The following CFAP221 variants were observed in gnomAD, a reference collection of about 807,000 sequenced individuals.
CFAP221 encodes the protein cilia and flagella associated protein 221.
CFAP221 carries 97 observed loss-of-function variants against 113.1 expected under a neutral mutation model. The observed-to-expected ratio is 0.86, with a 90% CI of 0.73 to 1.02. The LOEUF (loss-of-function observed/expected upper bound fraction) is 1.02. Among genes scored for constraint, CFAP221 ranks in the 50% least tolerant of loss-of-function variants. The pLI is 0.00. For synonymous variants in CFAP221, 331 were observed against 354.4 expected (o/e 0.93, Z 0.74); for missense variants, 1,025 against 1,013.4 (o/e 1.01, Z -0.16).
intron 3 of CFAP221, among the ~76,000 whole-genome samples, chr2:119,551,884 T>C (rs928854231): frequency 2.6e-5 from 4 of 152,228 alleles, no homozygotes; most frequent in African/African-American, 9.6e-5. Flanking sequence ...TTTTTTATAA[T>C]AAATGTTTCG....
intron 20 of CFAP221, 113 bp downstream of exon 20, chr2:119,638,530 A>G: frequency 7.4e-7 from 1 of 1,358,786 alleles, no homozygotes; most frequent in Non-Finnish European, 1.0e-6. Flanking sequence ...CCACAGCTGC[A>G]GAACAAGAAT....
chr2:119,549,894 A>G (rs1032477150), intron 3 of CFAP221, among the ~76,000 whole-genome samples: 3 of 152,158 alleles, frequency 2.0e-5, no homozygotes, highest in Admixed American at 2.0e-4. Flanking sequence ...CTGAGGCCCA[A>G]CTCTTGCTGG....
chr2:119,605,142 C>A, intron 10 of CFAP221, 39 bp from the exon 11 acceptor site: 1 of 1,549,890 alleles, frequency 6.5e-7, no homozygotes. Context: ...TGATTTTAAT[C>A]TGATTACTGG....
At chr2:119,659,355 G>A (rs1326838334), downstream of CFAP221, among the ~76,000 whole-genome samples, 1 of 152,110 alleles carries the variant, frequency 6.6e-6, no homozygotes, top group Non-Finnish European at 1.5e-5. Context: ...GTGTGGTTGT[G>A]TTTTCATATG....
intron 12 of CFAP221, among the ~76,000 whole-genome samples, 179 bp from the exon 13 acceptor site, chr2:119,611,474 C>T (rs962282148): frequency 6.6e-6 from 1 of 150,976 alleles, no homozygotes; most frequent in Non-Finnish European, 1.5e-5. Flanking sequence ...ATAAGAGCTC[C>T]CTATGTTTAA....
At chr2:119,606,988 C>T (rs1358306650) in intron 11 of CFAP221, among the ~76,000 whole-genome samples, 2 of 152,134 alleles carry the variant, frequency 1.3e-5, no homozygotes, top group East Asian at 1.9e-4. Context: ...CAAAATACTT[C>T]AGTATGTAGC....
downstream of CFAP221, among the ~76,000 whole-genome samples, chr2:119,658,630 C>T (rs1221768423): frequency 2.6e-5 from 4 of 151,950 alleles, no homozygotes; most frequent in African/African-American, 7.3e-5. Flanking sequence ...CACACACACA[C>T]ACACACACAC....
intron 6 of CFAP221, among the ~76,000 whole-genome samples, chr2:119,582,802 A>T (rs892928820): frequency 9.2e-5 from 14 of 152,330 alleles, no homozygotes; most frequent in African/African-American, 3.1e-4. Flanking sequence ...AATTAAAATT[A>T]TAGAAATGCA....
At chr2:119,630,529 T>G in intron 17 of CFAP221, 41 bp from the exon 18 acceptor site, 1 of 1,477,988 alleles carries the variant, frequency 6.8e-7, no homozygotes, top group Non-Finnish European at 9.4e-7. Flanking sequence ...CACCAAATGG[T>G]AACAGGTTTT....
At position 119,546,019 on chromosome 2, in the gene CFAP221, CAAA is replaced by C. The variant is rs1680026498; in HGVS notation, c.-47-65_-47-63del. The C allele has an allele frequency of 3.4e-6, 4 of 1,189,100 alleles. No homozygotes were observed. In the African/African-American group the frequency reaches 4.7e-5, roughly 14 times the overall value. 73.7% of individuals were successfully genotyped at this position (1,189,100 alleles called of 1,614,324 possible). A position where few individuals can be genotyped will look rare whatever the true frequency, so the allele number is the denominator to read the frequency against. The stretch of plus-strand genomic sequence containing the variant: ...CCACACAGAGACGAGGTACATTTAT[CAAA>C]GAAAGAGAAAAAATGTGCGTGGTTT... On this transcript the variant is annotated intron_variant, in intron 1 of 23. Transcript: ENST00000413369.
At chr2:119,637,911 T>C (rs1482504281) in intron 19 of CFAP221, among the ~76,000 whole-genome samples, 1 of 152,252 alleles carries the variant, frequency 6.6e-6, no homozygotes, top group Non-Finnish European at 1.5e-5. Context: ...ACCAGTGTGC[T>C]CATTTAATAA....
intron 6 of CFAP221, among the ~76,000 whole-genome samples, chr2:119,573,847 A>G (rs1236266284): frequency 6.6e-6 from 1 of 152,236 alleles, no homozygotes; most frequent in Non-Finnish European, 1.5e-5. Flanking sequence ...TATGAATTTT[A>G]GCAAGAAAAG....
At chr2:119,548,606 C>T (rs1680207712) in intron 2 of CFAP221, among the ~76,000 whole-genome samples, 1 of 152,196 alleles carries the variant, frequency 6.6e-6, no homozygotes, top group African/African-American at 2.4e-5. Flanking sequence ...TTTAATATTA[C>T]TCTACATCAC....
chr2:119,630,889 T>G lies in CFAP221; in HGVS notation c.1962T>G (p.Pro654=). ...TAGCCATGTCTCTAGATTATGATCC[T>G]CTGTATGTTTTTGTAAGTGACAACT... ...EALAMSLDYD[P]LYVFNPNPGL... is the part of the protein sequence containing the mutation. The change falls in exon 19 of 24, where the codon CCT becomes CCG. Residue 654 remains proline, a synonymous_variant. Coordinates refer to ENST00000413369, the MANE Select transcript of CFAP221 (RefSeq NM_001271049.2). The G allele has an allele frequency of 6.2e-7, 1 of 1,613,190 alleles. No homozygotes were observed. The highest frequency in any genetic ancestry group is 8.5e-7 in the Non-Finnish European group (1 of 1,179,160).
intron 23 of CFAP221, among the ~76,000 whole-genome samples, chr2:119,654,033 A>G (rs1185527577): frequency 6.6e-6 from 1 of 151,968 alleles, no homozygotes; most frequent in Non-Finnish European, 1.5e-5. Context: ...ATATGCTGCA[A>G]ATTTATTTTC....
chr2:119,564,633 T>G (rs1681495973), intron 6 of CFAP221, among the ~76,000 whole-genome samples: 1 of 152,172 alleles, frequency 6.6e-6, no homozygotes, highest in Non-Finnish European at 1.5e-5. Flanking sequence ...TCCTACCGTG[T>G]AAGTTCTTTT....
At chr2:119,605,525 A>G (rs1016673045) in intron 11 of CFAP221, among the ~76,000 whole-genome samples, 1 of 152,170 alleles carries the variant, frequency 6.6e-6, no homozygotes, top group Non-Finnish European at 1.5e-5. Context: ...GAATTGTGGG[A>G]GATGCTCCCT....
At chr2:119,619,773 G>A (rs1327419301) in intron 14 of CFAP221, among the ~76,000 whole-genome samples, 3 of 152,186 alleles carry the variant, frequency 2.0e-5, no homozygotes, top group East Asian at 3.9e-4. Context: ...CTCAGAAGGT[G>A]GGTAATAACA....
chr2:119,549,060 G>C, intron 2 of CFAP221, 25 bp from the exon 3 acceptor site: 1 of 1,412,542 alleles, frequency 7.1e-7, no homozygotes, highest in Non-Finnish European at 9.5e-7. Flanking sequence ...GTCTCATGAT[G>C]TGCTTATCTA....
Sources: allele counts gnomAD v4.1 joint callset (sites outside exome capture counted in the v4.1 genomes callset), GRCh38; gene constraint gnomAD v4.1.1; transcripts MANE v1.5; gene names NCBI Gene and HGNC (gene_info 2026-07-23, HGNC 2026-07-21).